MXI1: variants seen among roughly 807,000 people sequenced by gnomAD.
The protein encoded by MXI1 is MAX interactor 1, dimerization protein, also known as max-interacting protein 1.
MXI1 carries 18 observed loss-of-function variants against 36.9 expected under a neutral mutation model. The ratio of observed to expected loss-of-function variants is 0.49; its 90% confidence interval spans 0.34 to 0.72. The LOEUF (loss-of-function observed/expected upper bound fraction) is 0.72. Among genes scored for constraint, MXI1 ranks in the 30% least tolerant of loss-of-function variants. The pLI is 0.01. For missense variants in MXI1, 304 were observed against 379.1 expected (o/e 0.80, Z 1.64); for synonymous variants, 160 against 146.7 (o/e 1.09, Z -0.65).
intron 1 of MXI1, among the ~76,000 whole-genome samples, chr10:110,215,663 C>T (rs989023852): frequency 9.2e-5 from 14 of 152,230 alleles, no homozygotes; most frequent in Non-Finnish European, 1.9e-4. Context: ...GTCATTGCAA[C>T]ATTCTCAATA....
chr10:110,226,337 G>A (rs1854966654), intron 1 of MXI1: 2 of 1,437,290 alleles, frequency 1.4e-6, no homozygotes, highest in Non-Finnish European at 1.8e-6. Context: ...TTTTTCGGCA[G>A]TGCGGTGCGG....
chr10:110,283,386 C>T (rs906031558), intron 5 of MXI1, among the ~76,000 whole-genome samples: 1 of 151,944 alleles, frequency 6.6e-6, no homozygotes, highest in Admixed American at 6.6e-5. Flanking sequence ...GCGTCAGCCT[C>T]CCAAGTAGCT....
chr10:110,211,228 T>G (rs1460541687), intron 1 of MXI1, among the ~76,000 whole-genome samples: 1 of 152,164 alleles, frequency 6.6e-6, no homozygotes, highest in Non-Finnish European at 1.5e-5. Context: ...TAGAGACACA[T>G]GGTTTCCACA....
At chr10:110,216,731 A>G (rs1038606181) in intron 1 of MXI1, among the ~76,000 whole-genome samples, 1 of 132,840 alleles carries the variant, frequency 7.5e-6, no homozygotes, top group Non-Finnish European at 1.5e-5. Context: ...CAGTGGCACA[A>G]TCTCAGCTCA....
chr10:110,276,843 C>CA (rs1857051635), intron 3 of MXI1, among the ~76,000 whole-genome samples: 1 of 140,384 alleles, frequency 7.1e-6, no homozygotes, highest in Non-Finnish European at 1.6e-5. Context: ...CTTTTCTTTT[C>CA]TTTTTTTTTT....
intron 3 of MXI1, among the ~76,000 whole-genome samples, chr10:110,267,986 C>T (rs1856733551): frequency 6.6e-6 from 1 of 152,198 alleles, no homozygotes; most frequent in Non-Finnish European, 1.5e-5. Flanking sequence ...TTTCATCCTG[C>T]AGTATCTGAA....
In MXI1 at chr10:110,284,592, C is replaced by CA. The variant is rs201079890; in HGVS notation, c.725-229dup. Among the ~76,000 whole-genome samples the CA allele has an allele frequency of 7.2e-4, 110 of 152,296 alleles. 1 individual carries two copies. In the East Asian group the frequency reaches 0.02, roughly 27 times the overall value. On this transcript the variant is annotated intron_variant, in intron 5 of 5. Transcript: ENST00000332674. ...TAGGGAGGTCCAGACGGACTGGCGT[C>CA]AAAGGATTTAGGAAATTTGCTGCCT...
intron 3 of MXI1, among the ~76,000 whole-genome samples, chr10:110,250,998 C>T (rs1276102999): frequency 1.3e-4 from 13 of 98,910 alleles, no homozygotes; most frequent in Non-Finnish European, 2.2e-4. Flanking sequence ...GGAGAAGTGA[C>T]TAAGTATTTG....
intron 1 of MXI1, chr10:110,226,104 C>T (rs1245910423): frequency 5.1e-6 from 6 of 1,170,696 alleles, no homozygotes; most frequent in Middle Eastern, 3.5e-4. Flanking sequence ...GGCCCGCCCG[C>T]CCGTCGCACA....
intron 1 of MXI1, among the ~76,000 whole-genome samples, chr10:110,223,996 AAAAAG>A (rs958265006): frequency 3.3e-5 from 5 of 152,216 alleles, no homozygotes; most frequent in South Asian, 4.2e-4. Context: ...TTTACCAAAA[AAAAAG>A]AAAAGAAAAA....
At chr10:110,226,020 G>C in intron 1 of MXI1, 1 of 981,232 alleles carries the variant, frequency 1.0e-6, no homozygotes, top group Non-Finnish European at 1.2e-6. Flanking sequence ...CGGGCTGCCC[G>C]CGGCACGGCG....
chr10:110,272,722 G>A (rs893090059), intron 3 of MXI1, among the ~76,000 whole-genome samples: 13 of 151,384 alleles, frequency 8.6e-5, no homozygotes, highest in African/African-American at 3.1e-4. Context: ...GTAATTTGTA[G>A]AATTTGCAGC....
At chr10:110,250,983 G>A (rs1590372895) in intron 3 of MXI1, among the ~76,000 whole-genome samples, 1 of 109,660 alleles carries the variant, frequency 9.1e-6, no homozygotes, top group East Asian at 2.3e-4. Context: ...AGCTAGAAGG[G>A]CCAAGGAGAA....
At chr10:110,234,550 G>T (rs1328194134) in intron 2 of MXI1, among the ~76,000 whole-genome samples, 2 of 151,968 alleles carry the variant, frequency 1.3e-5, no homozygotes, top group African/African-American at 4.8e-5. Flanking sequence ...CATAGATGCA[G>T]GTGTTATACA....
chr10:110,269,206 C>T (rs1856781115), intron 3 of MXI1, among the ~76,000 whole-genome samples: 1 of 152,186 alleles, frequency 6.6e-6, no homozygotes, highest in Non-Finnish European at 1.5e-5. Context: ...TTTCAGGTTG[C>T]TCATATTCAG....
intron 3 of MXI1, among the ~76,000 whole-genome samples, chr10:110,272,436 C>T (rs1435920733): frequency 6.6e-6 from 1 of 151,998 alleles, no homozygotes; most frequent in Non-Finnish European, 1.5e-5. Context: ...ATTTTTCTTC[C>T]AAATTTTTGA....
intron 3 of MXI1, among the ~76,000 whole-genome samples, chr10:110,278,725 T>TGTGC (rs1564726691): frequency 1.1e-5 from 1 of 92,796 alleles, no homozygotes; most frequent in East Asian, 6.7e-4. Context: ...TGTGTGTGTG[T>TGTGC]GTGCCCACAC....
At position 110,208,078 on chromosome 10, in the gene MXI1, C is replaced by A. The variant is rs1854405486; in HGVS notation, c.270C>A (p.Asn90Lys). 6.3e-7 allele frequency: 1 copy of A among 1,588,166 alleles called. No homozygotes were observed. Residue 90 changes from asparagine (N) to lysine (K), a missense_variant, in exon 1 of 6, where the codon AAC (asparagine) becomes AAA (lysine). By Grantham distance (94) the Asn-to-Lys change is moderately conservative (BLOSUM62 0). This residue lies in a region of MXI1 where 179 missense variants were observed against 184.8 expected (regional missense o/e 0.97). Coordinates refer to ENST00000332674, the MANE Select transcript of MXI1 (RefSeq NM_130439.3). The part of the protein sequence containing the change: ...ASYLEQIEKE[N>K]KKCEHGYASS... ...ACCTGGAGCAGATCGAGAAAGAAAA[C>A]AAAAGTAAGTTTGGGGGCCCCTGCT... is the stretch of plus-strand genomic sequence containing the variant.
chr10:110,277,054 C>T (rs1007347595), intron 3 of MXI1, among the ~76,000 whole-genome samples: 1 of 152,090 alleles, frequency 6.6e-6, no homozygotes, highest in Admixed American at 6.5e-5. Flanking sequence ...CTGGGTTGGC[C>T]AGGCTGGTCT....
Sources: allele counts gnomAD v4.1 joint callset (sites outside exome capture counted in the v4.1 genomes callset), GRCh38; gene constraint gnomAD v4.1.1; regional missense constraint gnomAD v4.1.1; transcripts MANE v1.5; gene names NCBI Gene and HGNC (gene_info 2026-07-23, HGNC 2026-07-21).